The following CCDC178 variants were observed in gnomAD, a reference collection of about 807,000 sequenced individuals.
CCDC178 encodes coiled-coil domain containing 178.
Under a neutral mutation model 117.4 loss-of-function variants are expected in CCDC178, and 126 were observed. The observed-to-expected ratio is 1.07, with a 90% confidence interval of 0.93 to 1.24. CCDC178 has a LOEUF of 1.24. Among genes scored for constraint, CCDC178 ranks in the 50% most tolerant of loss-of-function variants. CCDC178 has a pLI of 0.00. For missense variants in CCDC178, 1,030 were observed against 986.9 expected (o/e 1.04, Z -0.59); for synonymous variants, 283 against 313.4 (o/e 0.90, Z 1.02).
At chr18:32,963,345 C>T (rs1471653520) in intron 22 of CCDC178, among the ~76,000 whole-genome samples, 1 of 151,942 alleles carries the variant, frequency 6.6e-6, no homozygotes, top group African/African-American at 2.4e-5. Flanking sequence ...TTGCTCATTC[C>T]TGTTTTAAGT....
rs570895409 is a variant in CCDC178, at chr18:32,997,442, C to T, written c.2389-22761G>A. On this transcript the variant is annotated intron_variant, in intron 21 of 22. Coordinates refer to ENST00000383096, the MANE Select transcript of CCDC178 (RefSeq NM_001105528.4). ...CACTATGAAAGGGAGGGAATTCTGC[C>T]AGCAGATAGCTTTCAGGGTCAAGCT... Among the ~76,000 whole-genome samples, 34 of 152,204 alleles carry T rather than the reference C, an allele frequency of 2.2e-4. No homozygotes were observed. The South Asian group carries it at 6.6e-3, about 30-fold the overall frequency.
chr18:33,342,408 C>G (rs550391579), intron 9 of CCDC178, among the ~76,000 whole-genome samples: 1 of 152,262 alleles, frequency 6.6e-6, no homozygotes, highest in Non-Finnish European at 1.5e-5. Context: ...TACCCTCTCC[C>G]TTGGGATAGA....
intron 20 of CCDC178, among the ~76,000 whole-genome samples, chr18:33,198,883 T>C (rs1048451172): frequency 2.6e-5 from 4 of 152,268 alleles, no homozygotes; most frequent in African/African-American, 9.6e-5. Flanking sequence ...AAATGATGTT[T>C]ATTATTCTGT....
intron 15 of CCDC178, among the ~76,000 whole-genome samples, chr18:33,231,344 T>C (rs2059365194): frequency 6.6e-6 from 1 of 151,938 alleles, no homozygotes; most frequent in Non-Finnish European, 1.5e-5. Flanking sequence ...AAGACAACTT[T>C]TTAAAAAAAA....
intron 11 of CCDC178, among the ~76,000 whole-genome samples, chr18:33,306,938 C>T (rs568058322): frequency 5.6e-4 from 86 of 152,244 alleles, no homozygotes; most frequent in African/African-American, 1.9e-3. Flanking sequence ...CTTCCTGTCA[C>T]CATGTGAAGA....
At chr18:33,061,844 T>C (rs1195565651) in intron 21 of CCDC178, among the ~76,000 whole-genome samples, 1 of 152,178 alleles carries the variant, frequency 6.6e-6, no homozygotes, top group Non-Finnish European at 1.5e-5. Context: ...GAGGGTTATA[T>C]GAAGACATGC....
chr18:33,093,734 T>C (rs548513203), intron 20 of CCDC178, among the ~76,000 whole-genome samples: 1 of 152,106 alleles, frequency 6.6e-6, no homozygotes, highest in South Asian at 2.1e-4. Flanking sequence ...AAAAATATGG[T>C]ATTTATCAAT....
At chr18:33,367,270 T>A (rs1056701523) in intron 6 of CCDC178, among the ~76,000 whole-genome samples, 6 of 152,208 alleles carry the variant, frequency 3.9e-5, no homozygotes, top group African/African-American at 1.4e-4. Context: ...AACTCATGAA[T>A]ATAGAGAATA....
chr18:33,243,520 T>C (rs1439458881), intron 15 of CCDC178, among the ~76,000 whole-genome samples: 1 of 151,772 alleles, frequency 6.6e-6, no homozygotes, highest in Non-Finnish European at 1.5e-5. Context: ...ATATCTACAA[T>C]TATTATATGT....
At chr18:33,219,523 A>G (rs1452682432) in intron 18 of CCDC178, among the ~76,000 whole-genome samples, 1 of 152,156 alleles carries the variant, frequency 6.6e-6, no homozygotes, top group Admixed American at 6.5e-5. Flanking sequence ...CTTGGAACCA[A>G]TCCAAATGTC....
intron 22 of CCDC178, among the ~76,000 whole-genome samples, chr18:32,965,365 A>G (rs2054790560): frequency 6.6e-6 from 1 of 151,954 alleles, no homozygotes; most frequent in Non-Finnish European, 1.5e-5. Context: ...AACTAAGGTC[A>G]TTTGGTTAAG....
chr18:32,952,336 A>G (rs2054504786), intron 22 of CCDC178, among the ~76,000 whole-genome samples: 1 of 152,218 alleles, frequency 6.6e-6, no homozygotes, highest in Non-Finnish European at 1.5e-5. Context: ...TATATTTGAA[A>G]TCTAGGTGGA....
intron 15 of CCDC178, 57 bp downstream of exon 15, chr18:33,245,188 T>A: frequency 7.3e-7 from 1 of 1,375,334 alleles, no homozygotes. Context: ...ATCGATACAA[T>A]TCAGGTAAAT....
chr18:33,078,093 A>G (rs980111999), intron 21 of CCDC178, among the ~76,000 whole-genome samples: 2 of 152,216 alleles, frequency 1.3e-5, no homozygotes, highest in African/African-American at 2.4e-5. Context: ...ACCATGATGA[A>G]GTAGGCTTCA....
chr18:33,057,299 T>C (rs1381462555), intron 21 of CCDC178, among the ~76,000 whole-genome samples: 1 of 152,166 alleles, frequency 6.6e-6, no homozygotes, highest in Non-Finnish European at 1.5e-5. Flanking sequence ...AATGGGGCTA[T>C]TTATACCTGC....
At chr18:33,125,869 G>A (rs1174587011) in intron 20 of CCDC178, among the ~76,000 whole-genome samples, 1 of 152,170 alleles carries the variant, frequency 6.6e-6, no homozygotes, top group East Asian at 1.9e-4. Flanking sequence ...CCCAGAGGAC[G>A]AGAACTGGAT....
At chr18:32,984,776 T>C (rs568354621) in intron 21 of CCDC178, among the ~76,000 whole-genome samples, 23 of 152,102 alleles carry the variant, frequency 1.5e-4, no homozygotes, top group South Asian at 6.2e-4. Context: ...TGGTTGAAGA[T>C]AGAATTACAT....
intron 21 of CCDC178, among the ~76,000 whole-genome samples, chr18:32,995,430 T>C (rs947888904): frequency 6.6e-6 from 1 of 151,918 alleles, no homozygotes; most frequent in Admixed American, 6.6e-5. Flanking sequence ...CTCAAGGAAA[T>C]AAAATCACAA....
At chr18:33,249,856 G>A (rs2059597371) in intron 14 of CCDC178, among the ~76,000 whole-genome samples, 1 of 151,958 alleles carries the variant, frequency 6.6e-6, no homozygotes, top group Admixed American at 6.6e-5. Context: ...AATTACCTTG[G>A]GCAGTATGGC....
Sources: allele counts gnomAD v4.1 joint callset (sites outside exome capture counted in the v4.1 genomes callset), GRCh38; gene constraint gnomAD v4.1.1; transcripts MANE v1.5; gene names NCBI Gene and HGNC (gene_info 2026-07-23, HGNC 2026-07-21).